Variants in COP1 observed in about 807,000 individuals in gnomAD.
COP1 encodes the protein COP1 E3 ubiquitin ligase.
A neutral mutation model predicts 101.3 loss-of-function variants in COP1; 24 were observed. The ratio of observed to expected loss-of-function variants is 0.24; its 90% CI spans 0.17 to 0.33. The LOEUF (loss-of-function observed/expected upper bound fraction) is 0.33. Among genes scored for constraint, COP1 ranks in the 10% least tolerant of loss-of-function variants. The probability of loss-of-function intolerance (pLI) is 1.00; values close to 1 mark genes in which losing one functional copy is unlikely to be tolerated. For missense variants in COP1, 663 were observed against 906.2 expected (o/e 0.73, Z 3.45); for synonymous variants, 347 against 341.9 (o/e 1.01, Z -0.17).
At chr1:176,004,022 T>G (rs1206068362) in intron 15 of COP1, among the ~76,000 whole-genome samples, 2 of 147,194 alleles carry the variant, frequency 1.4e-5, no homozygotes, top group Non-Finnish European at 3.0e-5. Flanking sequence ...CCTCTTTTAT[T>G]TCCTTGAGCA....
At chr1:176,189,910 T>C (rs974219989) in intron 1 of COP1, among the ~76,000 whole-genome samples, 1 of 151,900 alleles carries the variant, frequency 6.6e-6, no homozygotes, top group Admixed American at 6.6e-5. Context: ...AGCAAACTTG[T>C]TCTGAAGAAA....
chr1:175,958,658 C>T (rs1258229077), intron 18 of COP1, among the ~76,000 whole-genome samples: 2 of 141,112 alleles, frequency 1.4e-5, no homozygotes, highest in African/African-American at 2.4e-5. Context: ...TTGATGACTT[C>T]CCTCAGAATG....
rs190448222 is a variant in COP1, at chr1:176,016,741, A to T, written c.1729+10831T>A. On this transcript the variant is annotated intron_variant, in intron 15 of 19. Coordinates refer to ENST00000367669, the MANE Select transcript of COP1 (RefSeq NM_022457.7). Reference sequence around the variant, plus strand: ...ATTTTTATGAATGACTCTTTTTTTAAAAAAAAAAATTACAGGTAAGTATCA... The same window carrying T: ...ATTTTTATGAATGACTCTTTTTTTATAAAAAAAAATTACAGGTAAGTATCA... 7.5e-3 allele frequency among the ~76,000 whole-genome samples: 1,135 copies of T among 151,436 alleles called. 15 individuals carry two copies. Among genetic ancestry groups the T allele is most frequent in the African/African-American group, 0.022 (919 of 41,292 alleles).
intron 1 of COP1, among the ~76,000 whole-genome samples, chr1:176,185,026 C>T (rs546490626): frequency 1.4e-4 from 22 of 152,230 alleles, no homozygotes; most frequent in Admixed American, 4.6e-4. Flanking sequence ...GCTCTACCAT[C>T]GTTTTCCATC....
intron 12 of COP1, 33 bp downstream of exon 12, chr1:176,046,148 T>C (rs1671488188): frequency 1.3e-6 from 2 of 1,554,270 alleles, no homozygotes; most frequent in Non-Finnish European, 1.8e-6. Context: ...GTTACATCTA[T>C]ACTGCATCAT....
At chr1:176,014,734 A>ATGTG (rs1283995203) in intron 15 of COP1, among the ~76,000 whole-genome samples, 1 of 152,148 alleles carries the variant, frequency 6.6e-6, no homozygotes, top group Non-Finnish European at 1.5e-5. Flanking sequence ...GCAAAAACCA[A>ATGTG]TGTGTGTGTA....
intron 18 of COP1, among the ~76,000 whole-genome samples, chr1:175,973,343 T>A (rs1024289866): frequency 6.6e-6 from 1 of 152,224 alleles, no homozygotes; most frequent in African/African-American, 2.4e-5. Context: ...CCTAAACTTC[T>A]ATAGTTTGCA....
intron 3 of COP1, among the ~76,000 whole-genome samples, chr1:176,172,050 TTATTTAATTATTTTTGAGACA>T (rs1696156324): frequency 6.6e-6 from 1 of 152,210 alleles, no homozygotes; most frequent in African/African-American, 2.4e-5. Flanking sequence ...TTTTAAAACT[TTATTTAATTATTTTTGAGACA>T]GAGTCTCTGC....
At chr1:176,169,473 G>A (rs745365361) in intron 3 of COP1, among the ~76,000 whole-genome samples, 2 of 152,076 alleles carry the variant, frequency 1.3e-5, no homozygotes, top group Non-Finnish European at 1.5e-5. Context: ...TGGAGAAATC[G>A]CAGGTTCGGT....
At chr1:176,074,123 C>T (rs910568294) in intron 11 of COP1, among the ~76,000 whole-genome samples, 2 of 152,112 alleles carry the variant, frequency 1.3e-5, no homozygotes, top group Non-Finnish European at 1.5e-5. Flanking sequence ...GATGGAGATT[C>T]ACCATGCTGG....
chr1:176,005,062 C>T (rs1334423648), intron 15 of COP1, among the ~76,000 whole-genome samples: 2 of 152,160 alleles, frequency 1.3e-5, no homozygotes, highest in Non-Finnish European at 2.9e-5. Flanking sequence ...GATTCAATTT[C>T]TTCCTGGTTT....
In COP1 at chr1:176,076,617, A is replaced by G. The variant is rs138238549; in HGVS notation, c.1277+4535T>C. Among the ~76,000 whole-genome samples, 399 of 152,238 alleles carry G rather than the reference A, an allele frequency of 2.6e-3. 3 individuals are homozygous for G. The highest frequency in any genetic ancestry group is 9.2e-3 in the African/African-American group (381 of 41,560). Reference sequence around the variant, plus strand: ...AAAGCTAGTAGAAGAAAAAACTAAAATCAGAGAAGAGCTGAATGAAATTGA... The same window carrying G: ...AAAGCTAGTAGAAGAAAAAACTAAAGTCAGAGAAGAGCTGAATGAAATTGA... On this transcript the variant is annotated intron_variant, in intron 11 of 19. Transcript: ENST00000367669.
chr1:175,970,635 G>C (rs2148602854), intron 18 of COP1, among the ~76,000 whole-genome samples: 1 of 152,130 alleles, frequency 6.6e-6, no homozygotes, highest in South Asian at 2.1e-4. Flanking sequence ...AGTTACCTTT[G>C]AGTATTTTTT....
At chr1:175,959,896 C>T (rs1218733570) in intron 18 of COP1, among the ~76,000 whole-genome samples, 2 of 152,104 alleles carry the variant, frequency 1.3e-5, no homozygotes, top group African/African-American at 4.8e-5. Context: ...TCAAAATGTA[C>T]AGAGTCAAAA....
At chr1:176,095,405 T>C (rs1020668010) in intron 9 of COP1, among the ~76,000 whole-genome samples, 17 of 152,162 alleles carry the variant, frequency 1.1e-4, no homozygotes, top group Admixed American at 1.1e-3. Flanking sequence ...ATTTGCAGCC[T>C]GGTGTGGTGG....
intron 15 of COP1, among the ~76,000 whole-genome samples, chr1:175,996,057 G>A (rs1660076186): frequency 6.6e-6 from 1 of 152,184 alleles, no homozygotes; most frequent in East Asian, 1.9e-4. Flanking sequence ...CCATGATCAA[G>A]TGGGCTTCAT....
chr1:176,018,144 T>C lies in COP1; in HGVS notation c.1729+9428A>G, dbSNP rs150106048. 2.6e-3 allele frequency among the ~76,000 whole-genome samples: 400 copies of C among 152,294 alleles called. 3 individuals carry two copies. The highest frequency in any genetic ancestry group is 9.2e-3 in the African/African-American group (382 of 41,580). The stretch of plus-strand genomic sequence containing the variant: ...ACCTTAAAGATGCACTAATGTTAGC[T>C]ATTATTATTTACCCTTTACTTTGTG... On this transcript the variant is annotated intron_variant, in intron 15 of 19. Transcript: ENST00000367669.
intron 19 of COP1, among the ~76,000 whole-genome samples, chr1:175,946,283 G>A (rs1429769749): frequency 6.6e-6 from 1 of 152,134 alleles, no homozygotes; most frequent in Non-Finnish European, 1.5e-5. Context: ...TAAAAAAGGA[G>A]ACTACCATGT....
At position 176,085,737 on chromosome 1, in the gene COP1, T is replaced by C. The variant is rs746372310; in HGVS notation, c.1141+39A>G. 4 of 1,220,180 alleles carry C rather than the reference T, an allele frequency of 3.3e-6. No homozygotes were observed. In the South Asian group the frequency reaches 4.2e-5, roughly 13 times the overall value. The allele number at this position is 1,220,180 out of a possible 1,614,324, so 75.6% of individuals were successfully genotyped here. A position where few individuals can be genotyped will look rare whatever the true frequency, so the allele number is the denominator to read the frequency against. On this transcript the variant is annotated intron_variant, in intron 10 of 19. Coordinates refer to ENST00000367669, the MANE Select transcript of COP1 (RefSeq NM_022457.7). ...CAAAAACCTAGAAACAGATCTGAAATGTAGATTTCAGATAATTTGAGAAGG... is the reference window on the plus strand; with the variant it reads ...CAAAAACCTAGAAACAGATCTGAAACGTAGATTTCAGATAATTTGAGAAGG...
Sources: allele counts gnomAD v4.1 joint callset (sites outside exome capture counted in the v4.1 genomes callset), GRCh38; gene constraint gnomAD v4.1.1; transcripts MANE v1.5; gene names NCBI Gene and HGNC (gene_info 2026-07-23, HGNC 2026-07-21).